Variants in MACIR observed in about 807,000 individuals in gnomAD.
The protein encoded by MACIR is UNC119-binding protein C5orf30.
MACIR carries 4 observed loss-of-function variants against 14.3 expected under a neutral mutation model. That is an observed-to-expected ratio of 0.28 (90% confidence interval 0.14 to 0.64). MACIR has a LOEUF of 0.64. MACIR is among the 30% of genes least tolerant of loss of function. MACIR has a pLI of 0.83. For missense variants in MACIR, 228 were observed against 257.6 expected, an observed-to-expected ratio of 0.89 and a Z score of 0.79; for synonymous variants, 101 against 102.4, an observed-to-expected ratio of 0.99 and a Z score of 0.08.
At chr5:103,261,125 C>T (rs1430349067) in intron 1 of MACIR, among the ~76,000 whole-genome samples, 1 of 152,120 alleles carries the variant, frequency 6.6e-6, no homozygotes, top group Non-Finnish European at 1.5e-5. Context: ...GAGTGCTGCA[C>T]TTTAAGGGGG....
At chr5:103,272,002 T>C (rs1022728570) in intron 2 of MACIR, among the ~76,000 whole-genome samples, 1 of 152,178 alleles carries the variant, frequency 6.6e-6, no homozygotes, top group Non-Finnish European at 1.5e-5. Context: ...GTTATTCTTA[T>C]TGATGTAGTG....
intron 1 of MACIR, chr5:103,259,464 G>A (rs1256606198): frequency 6.6e-6 from 1 of 152,192 alleles, no homozygotes; most frequent in African/African-American, 2.4e-5. Flanking sequence ...AGCGGGCCTG[G>A]AGGCCCCTTT....
Position 103,275,995 on chromosome 5 carries a change from C to T in MACIR, c.76C>T (p.Pro26Ser). 1 of 1,614,106 alleles carries T rather than the reference C, an allele frequency of 6.2e-7. No homozygotes were observed. The highest frequency in any genetic ancestry group is 8.5e-7 in the Non-Finnish European group (1 of 1,180,044). The change falls in exon 3 of 3, where the codon CCG becomes TCG. Residue 26 changes from proline to serine, a missense_variant. By Grantham distance (74) the Pro-to-Ser change is moderately conservative. Transcript: ENST00000319933. ...LPFPGAEANS[P>S]GKAEAEKPRC... ...CTTCCCTGGGGCTGAGGCCAACTCC[C>T]CGGGAAAGGCGGAGGCAGAGAAGCC... is the stretch of plus-strand genomic sequence containing the variant.
At chr5:103,266,584 A>T (rs929957657) in intron 2 of MACIR, among the ~76,000 whole-genome samples, 2 of 152,094 alleles carry the variant, frequency 1.3e-5, no homozygotes, top group Non-Finnish European at 2.9e-5. Context: ...CTTTGCTGAC[A>T]TAGTTGTCCA....
chr5:103,273,596 T>C (rs551745116), intron 2 of MACIR, among the ~76,000 whole-genome samples: 1 of 152,340 alleles, frequency 6.6e-6, no homozygotes, highest in Non-Finnish European at 1.5e-5. Context: ...ACAGTTTACC[T>C]TGATGCAGCA....
Position 103,268,956 on chromosome 5 carries a change from G to A in MACIR, c.-24+2959G>A, listed in dbSNP as rs184603241. 1.8e-3 allele frequency among the ~76,000 whole-genome samples: 280 copies of A among 152,116 alleles called. 1 individual carries two copies. Among genetic ancestry groups the A allele is most frequent in the African/African-American group, 6.5e-3 (271 of 41,484 alleles). On this transcript the variant is annotated intron_variant, in intron 2 of 2. Transcript: ENST00000319933. ...CCACTCTAGCCAGGGGCGGTGGCTC[G>A]CACCTGTAATTCTAGCTACTTGGGA... is the stretch of plus-strand genomic sequence containing the variant.
rs1355476027 is a variant in MACIR at position 103,277,743 on chromosome 5, A to T, written c.*1203A>T. On this transcript the variant is annotated 3_prime_UTR_variant, in exon 3 of 3. Transcript: ENST00000319933. ...CTATTCTTGAATATATTTTGAAAAA[A>T]AAATGTATGTAACTTACCTTTTGTA... The T allele has an allele frequency of 6.0e-6, 1 of 167,052 alleles. No homozygotes were observed. Among genetic ancestry groups the T allele is most frequent in the Non-Finnish European group, 1.5e-5 (1 of 68,088 alleles). 10.3% of individuals were successfully genotyped at this position (167,052 alleles called of 1,614,324 possible).
In MACIR at chr5:103,276,293, G is replaced by A. The variant is rs1554237708; in HGVS notation, c.374G>A (p.Arg125Lys). The stretch of plus-strand genomic sequence containing the variant: ...TACGAGATTCCAGCTGTCAATGGCA[G>A]GAGGCGAAGGCGGATGCCAAGCTCA... ...QPYEIPAVNG[R>K]RRRRMPSSGD... Residue 125 changes from arginine to lysine, a missense_variant, in exon 3 of 3, where the codon AGG becomes AAG. Physicochemically the swap from Arg to Lys is conservative, Grantham distance 26 (BLOSUM62 2). Coordinates refer to ENST00000319933, the MANE Select transcript of MACIR (RefSeq NM_033211.4). 3 of 1,612,522 alleles carry A rather than the reference G, an allele frequency of 1.9e-6. No homozygotes were observed. In the African/African-American group the frequency reaches 4.0e-5, roughly 22 times the overall value.
intron 2 of MACIR, among the ~76,000 whole-genome samples, chr5:103,274,104 G>A (rs573027047): frequency 4.6e-5 from 7 of 152,234 alleles, no homozygotes; most frequent in Non-Finnish European, 7.4e-5. Context: ...GTCAGGTTAC[G>A]TAGGTTGGAG....
intron 1 of MACIR, among the ~76,000 whole-genome samples, chr5:103,260,643 G>T (rs904957189): frequency 6.6e-6 from 1 of 152,224 alleles, no homozygotes; most frequent in African/African-American, 2.4e-5. Context: ...TATATTTATT[G>T]ATATTATATA....
intron 2 of MACIR, among the ~76,000 whole-genome samples, 157 bp downstream of exon 2, chr5:103,266,154 A>G (rs1459025467): frequency 1.3e-5 from 2 of 152,178 alleles, no homozygotes; most frequent in Non-Finnish European, 2.9e-5. Flanking sequence ...TATGTATACT[A>G]TAATTACAAA....
intron 2 of MACIR, among the ~76,000 whole-genome samples, chr5:103,275,521 G>A (rs1391544107): frequency 2.6e-5 from 4 of 152,164 alleles, no homozygotes; most frequent in African/African-American, 7.2e-5. Context: ...ATGTATGATG[G>A]CTTTCATTTG....
At chr5:103,271,314 T>C (rs1805116005) in intron 2 of MACIR, among the ~76,000 whole-genome samples, 1 of 152,124 alleles carries the variant, frequency 6.6e-6, no homozygotes, top group Non-Finnish European at 1.5e-5. Context: ...GTATTGGTAT[T>C]TATGCTCCAA....
chr5:103,274,151 CA>C (rs1358355263), intron 2 of MACIR, among the ~76,000 whole-genome samples: 6 of 152,102 alleles, frequency 3.9e-5, no homozygotes, highest in Non-Finnish European at 8.8e-5. Flanking sequence ...TTCTGGGTTA[CA>C]AAATTAGTGA....
chr5:103,268,135 T>C (rs1804993054), intron 2 of MACIR, among the ~76,000 whole-genome samples: 1 of 152,228 alleles, frequency 6.6e-6, no homozygotes, highest in African/African-American at 2.4e-5. Flanking sequence ...GAAGCTGTCA[T>C]AAATATTCAC....
chr5:103,267,011 A>T (rs1210069767), intron 2 of MACIR, among the ~76,000 whole-genome samples: 2 of 152,168 alleles, frequency 1.3e-5, no homozygotes, highest in Non-Finnish European at 2.9e-5. Flanking sequence ...TGAATAAAAA[A>T]CAATGTGGCC....
chr5:103,262,106 T>C (rs1804750883), intron 1 of MACIR, among the ~76,000 whole-genome samples: 1 of 152,134 alleles, frequency 6.6e-6, no homozygotes, highest in Non-Finnish European at 1.5e-5. Context: ...GGCACTCCCT[T>C]TTTTGGGTTC....
In MACIR at chr5:103,276,719, G is replaced by C. The variant is rs79245829; in HGVS notation, c.*179G>C. The C allele has an allele frequency of 0.032, 16,139 of 506,390 alleles. 343 individuals are homozygous for C. Among genetic ancestry groups the C allele is most frequent in the Non-Finnish European group, 0.037 (10,869 of 295,994 alleles). The allele number at this position is 506,390 out of a possible 1,614,324, so 31.4% of individuals were successfully genotyped here. A position where few individuals can be genotyped will look rare whatever the true frequency, so the allele number is the denominator to read the frequency against. ...ACAGGAATGAAATCACAGGTACTTG[G>C]GGGGGGGATATCATTCTAGAGCACG... is the stretch of plus-strand genomic sequence containing the variant. On this transcript the variant is annotated 3_prime_UTR_variant, in exon 3 of 3. Coordinates refer to ENST00000319933, the MANE Select transcript of MACIR (RefSeq NM_033211.4).
Position 103,277,489 on chromosome 5 carries a change from A to G in MACIR, c.*949A>G, listed in dbSNP as rs1168700048. 1.8e-5 allele frequency: 3 copies of G among 167,096 alleles called. No homozygotes were observed. Among genetic ancestry groups the G allele is most frequent in the Admixed American group, 6.5e-5 (1 of 15,278 alleles). The allele number at this position is 167,096 out of a possible 1,614,324, so 10.4% of individuals were successfully genotyped here. On this transcript the variant is annotated 3_prime_UTR_variant, in exon 3 of 3. Coordinates refer to ENST00000319933, the MANE Select transcript of MACIR (RefSeq NM_033211.4). ...ATTTGTACTATTGAATGATTAAACTAAGTATGAAGTGATACCATTCAGCAT... is the reference window on the plus strand; with the variant it reads ...ATTTGTACTATTGAATGATTAAACTGAGTATGAAGTGATACCATTCAGCAT...
Sources: allele counts gnomAD v4.1 joint callset (sites outside exome capture counted in the v4.1 genomes callset), GRCh38; gene constraint gnomAD v4.1.1; transcripts MANE v1.5; gene names NCBI Gene and HGNC (gene_info 2026-07-23, HGNC 2026-07-21).